MYBBP1A: variants seen among roughly 807,000 people sequenced by gnomAD.
The protein encoded by MYBBP1A is MYB binding protein 1a.
A neutral mutation model predicts 136.3 loss-of-function variants in MYBBP1A; 147 were observed. The ratio of observed to expected loss-of-function variants is 1.08; its 90% CI spans 0.94 to 1.24. MYBBP1A has a LOEUF of 1.24. Among genes scored for constraint, MYBBP1A ranks in the 50% most tolerant of loss-of-function variants. The pLI, the probability that MYBBP1A is intolerant of heterozygous loss-of-function variation, is 0.00. For missense variants in MYBBP1A, 2,060 were observed against 1,727.4 expected (o/e 1.19, Z -3.41); for synonymous variants, 947 against 735.8 (o/e 1.29, Z -4.65).
chr17:4,547,741 C>A (rs992454144), intron 13 of MYBBP1A: 2 of 479,148 alleles, frequency 4.2e-6, no homozygotes, highest in East Asian at 3.2e-5. Context: ...GTGGGGATTA[C>A]GAGATCCTGC....
At position 4,539,216 on chromosome 17, in the gene MYBBP1A, G is replaced by A. The variant is rs902088837; in HGVS notation, c.*199C>T. 26 of 1,458,722 alleles carry A rather than the reference G, an allele frequency of 1.8e-5. No individual in the cohort carries two copies. The highest frequency in any genetic ancestry group is 1.2e-4 in the South Asian group (8 of 68,990). 90.4% of individuals were successfully genotyped at this position (1,458,722 alleles called of 1,614,324 possible). On this transcript the variant is annotated 3_prime_UTR_variant, in exon 26 of 26. Transcript: ENST00000254718. Reference sequence around the variant, plus strand: ...CAGAACCGGGGGTGGGGAGGTCTCTGCACCCTGGGACCCCTGCAGGAATGG... The same window carrying A: ...CAGAACCGGGGGTGGGGAGGTCTCTACACCCTGGGACCCCTGCAGGAATGG...
At chr17:4,546,500 C>A (rs945813486) in intron 13 of MYBBP1A, among the ~76,000 whole-genome samples, 1 of 152,162 alleles carries the variant, frequency 6.6e-6, no homozygotes, top group Non-Finnish European at 1.5e-5. Context: ...TCCAACTCCC[C>A]CTTGGACACT....
chr17:4,545,620 A>G lies in MYBBP1A; in HGVS notation c.2063T>C (p.Leu688Pro). ...AAGGTCCCAACTCACATCCAGAATTAGCTGCAGGGCACGCGGGGTCAGGTG... is the reference window on the plus strand; with the variant it reads ...AAGGTCCCAACTCACATCCAGAATTGGCTGCAGGGCACGCGGGGTCAGGTG... ...CSHLTPRALQ[L>P]ILDVLNPETS... Residue 688 changes from leucine to proline, a missense_variant, in exon 15 of 26, where the codon CTA becomes CCA. Transcript: ENST00000254718. 1.3e-6 allele frequency: 2 copies of G among 1,588,776 alleles called. No homozygotes were observed. The highest frequency in any genetic ancestry group is 8.6e-7 in the Non-Finnish European group (1 of 1,163,902).
chr17:4,555,383 TC>T lies in MYBBP1A; in HGVS notation c.-60del. 1 of 1,546,684 alleles carries T rather than the reference TC, an allele frequency of 6.5e-7. No individual in the cohort carries two copies. Among genetic ancestry groups the T allele is most frequent in the Non-Finnish European group, 8.7e-7 (1 of 1,144,134 alleles). ...TGCTCCGGCCCCAGCCGCTTCCAGG[TC>T]AGGGCACGGCGCATGCGCACCGGTT... On this transcript the variant is annotated 5_prime_UTR_variant, in exon 1 of 26. Coordinates refer to ENST00000254718, the MANE Select transcript of MYBBP1A (RefSeq NM_014520.4).
At position 4,552,460 on chromosome 17, in the gene MYBBP1A, TTCTCA is replaced by T; in HGVS notation, c.723_727del (p.Asp241GlufsTer99). The T allele has an allele frequency of 1.2e-6, 2 of 1,613,100 alleles. No individual in the cohort carries two copies. The highest frequency in any genetic ancestry group is 1.7e-6 in the Non-Finnish European group (2 of 1,180,014). ...CCCACCTCCATCACACCTGGGGACA[TTCTCA>T]TCTGAGAATAGGTTCACGGATCCCA... On this transcript the variant is annotated frameshift_variant, in exon 6 of 26. Coordinates refer to ENST00000254718, the MANE Select transcript of MYBBP1A (RefSeq NM_014520.4). LOFTEE classifies it high-confidence loss of function. This position sits in a 1 kb window ranked among gnomAD's most constrained non-coding sequence, Gnocchi z 4.7.
rs761213995 is a variant in MYBBP1A at position 4,540,343 on chromosome 17, C to T, written c.3434+5G>A. 3.3e-5 allele frequency: 53 copies of T among 1,602,668 alleles called. No individual in the cohort carries two copies. The highest frequency in any genetic ancestry group is 4.2e-5 in the Non-Finnish European group (49 of 1,177,620). On this transcript the variant is annotated splice_donor_5th_base_variant and intron_variant, in intron 25 of 25. Coordinates refer to ENST00000254718, the MANE Select transcript of MYBBP1A (RefSeq NM_014520.4). ...CAAGGTGTGTGTCCCCCTCCCAGAA[C>T]CTACTGGACTCCCAGGGTTTTCATG...
In MYBBP1A at chr17:4,547,938, T is replaced by TCC; in HGVS notation, c.1824+18_1824+19dup. 1 of 1,454,038 alleles carries TCC rather than the reference T, an allele frequency of 6.9e-7. No individual in the cohort carries two copies. Among genetic ancestry groups the TCC allele is most frequent in the Non-Finnish European group, 9.1e-7 (1 of 1,101,818 alleles). 90.1% of individuals were successfully genotyped at this position (1,454,038 alleles called of 1,614,324 possible). On this transcript the variant is annotated intron_variant, in intron 13 of 25. Transcript: ENST00000254718. ...CATAGAACCCCAGGCTCACAGCCCC[T>TCC]CCCTCCCAGGCCCCAGTACCTTGAG...
At position 4,552,098 on chromosome 17, in the gene MYBBP1A, C is replaced by A; in HGVS notation, c.905+27G>T. On this transcript the variant is annotated intron_variant, in intron 7 of 25. Transcript: ENST00000254718. This position sits in a 1 kb window ranked among gnomAD's most constrained non-coding sequence, Gnocchi z 4.7. ...CCCACTTCACGGACAGGGAAGGGGG[C>A]CGAGAGAGGACACGCGTCGCCCGCA... is the stretch of plus-strand genomic sequence containing the variant. The A allele has an allele frequency of 1.2e-6, 2 of 1,606,344 alleles. No homozygotes were observed. Among genetic ancestry groups the A allele is most frequent in the Non-Finnish European group, 8.5e-7 (1 of 1,175,634 alleles).
At chr17:4,542,762 C>G (rs889577123) in intron 20 of MYBBP1A, 21 bp from the exon 21 acceptor site, 1 of 1,612,212 alleles carries the variant, frequency 6.2e-7, no homozygotes, top group Non-Finnish European at 8.5e-7. Context: ...GGAGAGCGAG[C>G]TGGGTGAGGC....
rs1309712077 is a variant in MYBBP1A, at chr17:4,545,774, G to A, written c.1922-13C>T. The stretch of plus-strand genomic sequence containing the variant: ...GGTTCCTGGGGGTCTGCAAGAGGGA[G>A]GGGTTGAGCCCGGATAGGGGACCGC... On this transcript the variant is annotated splice_polypyrimidine_tract_variant and intron_variant, in intron 14 of 25. Transcript: ENST00000254718. The A allele has an allele frequency of 1.9e-6, 3 of 1,606,494 alleles. No homozygotes were observed. Among genetic ancestry groups the A allele is most frequent in the South Asian group, 1.1e-5 (1 of 90,464 alleles).
At position 4,539,777 on chromosome 17, in the gene MYBBP1A, C is replaced by T. The variant is rs375939079; in HGVS notation, c.3625G>A (p.Gly1209Ser). 38 of 1,612,884 alleles carry T rather than the reference C, an allele frequency of 2.4e-5. 1 individual carries two copies. In the African/African-American group the frequency reaches 4.4e-4, roughly 19 times the overall value. ...ATGGSQPPSM[G>S]RKKRNRTKAK... The stretch of plus-strand genomic sequence containing the variant: ...TTTGTCCTGTTCCTCTTCTTCCTGC[C>T]CATGCTGGGGGGCTGGCTCCCGCCG... Residue 1209 changes from glycine to serine, a missense_variant, in exon 26 of 26, where the codon GGC becomes AGC. Physicochemically the swap from Gly to Ser is moderately conservative, Grantham distance 56. Transcript: ENST00000254718.
intron 24 of MYBBP1A, 37 bp from the exon 25 acceptor site, chr17:4,540,521 G>C: frequency 6.4e-7 from 1 of 1,574,410 alleles, no homozygotes; most frequent in South Asian, 1.1e-5. Context: ...TGGGGCCACA[G>C]AGGGCGGGGC....
Position 4,555,085 on chromosome 17 carries a change from C to A in MYBBP1A, c.198+42G>T, listed in dbSNP as rs570217601. On this transcript the variant is annotated intron_variant, in intron 1 of 25. Transcript: ENST00000254718. ...CCCTGGGCCCGCCGCCGCTTCCTTG[C>A]CGGGATATGCGCAGCCTCTGCCCCA... 10 of 1,563,748 alleles carry A rather than the reference C, an allele frequency of 6.4e-6. No homozygotes were observed. The Middle Eastern group carries it at 8.3e-4, about 130-fold the overall frequency.
chr17:4,544,522 T>A lies in MYBBP1A; in HGVS notation c.2606A>T (p.Gln869Leu), dbSNP rs1906765263. 6.4e-7 allele frequency: 1 copy of A among 1,553,874 alleles called. No homozygotes were observed. Among genetic ancestry groups the A allele is most frequent in the East Asian group, 2.4e-5 (1 of 41,236 alleles). Residue 869 changes from glutamine to leucine, a missense_variant, in exon 19 of 26, where the codon CAG becomes CTG. Transcript: ENST00000254718. ...SLRSSSSKQEQDLLHKTARIF... is the reference protein window; with the variant it reads ...SLRSSSSKQELDLLHKTARIF... ...GCGCGCCGTCTTGTGCAGAAGGTCC[T>A]GCTCCTGTTTGGAGCTGCTGCTGCG...
rs761809230 is a variant in MYBBP1A at position 4,550,278 on chromosome 17, G to T, written c.1099C>A (p.Pro367Thr). The T allele has an allele frequency of 5.0e-6, 8 of 1,613,426 alleles. No homozygotes were observed. In the Admixed American group the frequency reaches 1.3e-4, roughly 27 times the overall value. Residue 367 changes from proline (P) to threonine (T), a missense_variant, in exon 9 of 26, where the codon CCT becomes ACT. By Grantham distance (38) the Pro-to-Thr change is conservative. Coordinates refer to ENST00000254718, the MANE Select transcript of MYBBP1A (RefSeq NM_014520.4). ...ACTAGCACGGCCAGCTGCCGCTCAG[G>T]GTCATCCTGGCACCCCTCTAGGAAG... ...GTFLEGCQDD[P>T]ERQLAVLVAF... is the part of the protein sequence containing the mutation.
At position 4,543,146 on chromosome 17, in the gene MYBBP1A, G is replaced by A. The variant is rs200573392; in HGVS notation, c.2659C>T (p.Arg887Trp). Residue 887 changes from arginine to tryptophan, a missense_variant, in exon 20 of 26, where the codon CGG becomes TGG. Arg to Trp is a moderately radical substitution (Grantham distance 101). Coordinates refer to ENST00000254718, the MANE Select transcript of MYBBP1A (RefSeq NM_014520.4). ...RIFTHHLCRA[R>W]RYCHDLGERA... ...TCACCCAAGTCGTGGCAGTAGCGCC[G>A]GGCACGGCACAGGTGGTGCCTGTGG... 1.1e-5 allele frequency: 18 copies of A among 1,608,764 alleles called. No individual in the cohort carries two copies. In the Admixed American group the frequency reaches 1.7e-4, roughly 15 times the overall value.
rs1370957764 is a variant in MYBBP1A at position 4,539,650 on chromosome 17, A to G, written c.3752T>C (p.Leu1251Pro). 1.2e-6 allele frequency: 2 copies of G among 1,609,382 alleles called. No homozygotes were observed. The highest frequency in any genetic ancestry group is 1.4e-5 in the African/African-American group (1 of 73,932). ...GGACGGCTTCTGGTTTTTCTTCTGC[A>G]GTTTTGGGGATTTGGCAGGGGTGCT... is the stretch of plus-strand genomic sequence containing the variant. ...SPSTPAKSPK[L>P]QKKNQKPSQV... The change falls in exon 26 of 26, where the codon CTG (leucine) becomes CCG (proline). Residue 1251 changes from leucine (L) to proline (P), a missense_variant. By Grantham distance (98) the Leu-to-Pro change is moderately conservative (BLOSUM62 -3). Transcript: ENST00000254718.
Position 4,541,799 on chromosome 17 carries a change from T to C in MYBBP1A, c.3180A>G (p.Leu1060=), listed in dbSNP as rs773770284. The C allele has an allele frequency of 6.2e-7, 1 of 1,614,122 alleles. No individual in the cohort carries two copies. The highest frequency in any genetic ancestry group is 1.7e-5 in the Admixed American group (1 of 60,032). The part of the protein sequence containing the change: ...PEWKQLMGQV[L]AKVTENLRVL... ...CGGCTGTTACCTCGGTGACCTTTGC[T>C]AGGACCTGGCCCATCAGCTGCTTCC... The change falls in exon 23 of 26, where the codon CTA becomes CTG. Residue 1060 remains leucine, a synonymous_variant. Coordinates refer to ENST00000254718, the MANE Select transcript of MYBBP1A (RefSeq NM_014520.4).
rs746584335 is a variant in MYBBP1A, at chr17:4,539,390, GGCTGAGGGGGGCCCGTACCTGT to G, written c.*3_*24del. 1.3e-6 allele frequency: 2 copies of G among 1,566,210 alleles called. No individual in the cohort carries two copies. Among genetic ancestry groups the G allele is most frequent in the African/African-American group, 2.8e-5 (2 of 72,656 alleles). On this transcript the variant is annotated 3_prime_UTR_variant, in exon 26 of 26. Coordinates refer to ENST00000254718, the MANE Select transcript of MYBBP1A (RefSeq NM_014520.4). ...GGCGTCTCAGGCAGATGGAGGCAGG[GGCTGAGGGGGGCCCGTACCTGT>G]GCTCAGGGCTTCCCTGCCTTCCTCA...
Sources: allele counts gnomAD v4.1 joint callset (sites outside exome capture counted in the v4.1 genomes callset), GRCh38; gene constraint gnomAD v4.1.1; non-coding constraint Gnocchi (gnomAD v3.1); transcripts MANE v1.5; gene names NCBI Gene and HGNC (gene_info 2026-07-23, HGNC 2026-07-21).